Variants in EEPD1 observed in about 807,000 individuals in gnomAD.
The protein encoded by EEPD1 is endonuclease/exonuclease/phosphatase family domain-containing protein 1.
Under a neutral mutation model 46.3 loss-of-function variants are expected in EEPD1, and 17 were observed. The ratio of observed to expected loss-of-function variants is 0.37; its 90% CI spans 0.25 to 0.55. The LOEUF (loss-of-function observed/expected upper bound fraction) is 0.55, where lower values mean the gene tolerates loss of function less well. EEPD1 is among the 20% of genes least tolerant of loss of function. EEPD1 has a pLI of 0.83. For missense variants in EEPD1, 673 were observed against 745.6 expected (o/e 0.90, Z 1.13); for synonymous variants, 313 against 315.6 (o/e 0.99, Z 0.09).
intron 5 of EEPD1, among the ~76,000 whole-genome samples, chr7:36,287,423 G>T (rs1311086423): frequency 1.3e-5 from 2 of 152,094 alleles, no homozygotes; most frequent in South Asian, 4.1e-4. Flanking sequence ...GATGTTAGGG[G>T]TGGACTGGTA....
At chr7:36,160,683 C>G (rs58049112) in intron 2 of EEPD1, among the ~76,000 whole-genome samples, 74,204 of 124,140 alleles carry the variant, frequency 0.6, 23,018 homozygotes, top group Middle Eastern at 0.71. Context: ...TGGTGGGGGG[C>G]GGGGCGTGCA....
At chr7:36,220,641 T>G (rs1175399323) in intron 2 of EEPD1, among the ~76,000 whole-genome samples, 1 of 152,192 alleles carries the variant, frequency 6.6e-6, no homozygotes, top group Non-Finnish European at 1.5e-5. Context: ...GCAGAGCTAA[T>G]GGCATCGACT....
chr7:36,288,966 A>T (rs185469425), intron 6 of EEPD1, among the ~76,000 whole-genome samples: 1 of 152,200 alleles, frequency 6.6e-6, no homozygotes, highest in Non-Finnish European at 1.5e-5. Context: ...ATTCTCTTCT[A>T]TCTTTTGAGT....
intron 3 of EEPD1, among the ~76,000 whole-genome samples, chr7:36,243,515 A>G (rs913663087): frequency 2.0e-5 from 3 of 152,260 alleles, no homozygotes; most frequent in Middle Eastern, 3.4e-3. Flanking sequence ...CTGAGCTTCA[A>G]ATGACAACCG....
chr7:36,264,283 A>G (rs1460176497), intron 3 of EEPD1, among the ~76,000 whole-genome samples: 1 of 152,214 alleles, frequency 6.6e-6, no homozygotes, highest in Non-Finnish European at 1.5e-5. Flanking sequence ...TTCAGGGGGA[A>G]GCCCGCAGTG....
chr7:36,259,215 A>T (rs1786875180), intron 3 of EEPD1, among the ~76,000 whole-genome samples: 1 of 152,176 alleles, frequency 6.6e-6, no homozygotes. Context: ...CAGGTACCTC[A>T]GTTGGAAATG....
chr7:36,193,335 G>T lies in EEPD1; in HGVS notation c.878+38133G>T, dbSNP rs1181456795. 1.3e-5 allele frequency among the ~76,000 whole-genome samples: 2 copies of T among 152,170 alleles called. No individual in the cohort carries two copies. The highest frequency in any genetic ancestry group is 2.9e-5 in the Non-Finnish European group (2 of 68,032). Reference sequence around the variant, plus strand: ...GAGAGTGTGCAGAAGCCTGGAGCCTGGAGAGGGGAGGAATGAAGGCGGGAT... The same window carrying T: ...GAGAGTGTGCAGAAGCCTGGAGCCTTGAGAGGGGAGGAATGAAGGCGGGAT... On this transcript the variant is annotated intron_variant, in intron 2 of 7. Transcript: ENST00000242108. This position sits in a 1 kb window ranked among gnomAD's most constrained non-coding sequence, Gnocchi z 4.9.
chr7:36,249,693 G>T (rs1786703291), intron 3 of EEPD1, among the ~76,000 whole-genome samples: 2 of 152,132 alleles, frequency 1.3e-5, no homozygotes, highest in African/African-American at 4.8e-5. Context: ...TTTATTCTTT[G>T]AACCAGTGTG....
chr7:36,179,001 C>T (rs779036276), intron 2 of EEPD1, among the ~76,000 whole-genome samples: 2 of 152,118 alleles, frequency 1.3e-5, no homozygotes, highest in Non-Finnish European at 1.5e-5. Context: ...TGGCATTTGG[C>T]GGGATGGTAC....
intron 2 of EEPD1, among the ~76,000 whole-genome samples, chr7:36,174,581 T>C (rs758901525): frequency 3.4e-4 from 51 of 152,208 alleles, no homozygotes; most frequent in Non-Finnish European, 1.5e-5. Context: ...GAGGGGTTGA[T>C]GTTTGCTGCT....
Position 36,155,155 on chromosome 7 carries a change from C to T in EEPD1, c.831C>T (p.Asn277=). ...NLQGCSVEKA[N]NPGVREVVCM... is the part of the protein sequence containing the mutation. ...AGGGCTGTTCCGTGGAGAAGGCCAA[C>T]AACCCCGGGGTGCGAGAGGTGGTGT... The change falls in exon 2 of 8, where the codon AAC becomes AAT. Residue 277 remains asparagine (N), a synonymous_variant. Transcript: ENST00000242108. 1 of 1,525,068 alleles carries T rather than the reference C, an allele frequency of 6.6e-7. No individual in the cohort carries two copies. The highest frequency in any genetic ancestry group is 8.8e-7 in the Non-Finnish European group (1 of 1,137,838). The allele number at this position is 1,525,068 out of a possible 1,614,324, so 94.5% of individuals were successfully genotyped here. A position where few individuals can be genotyped will look rare whatever the true frequency, so the allele number is the denominator to read the frequency against.
At chr7:36,290,506 A>G (rs1167032887) in intron 6 of EEPD1, among the ~76,000 whole-genome samples, 1 of 152,212 alleles carries the variant, frequency 6.6e-6, no homozygotes, top group Non-Finnish European at 1.5e-5. Flanking sequence ...AAGCAAAGAC[A>G]AAGCCTTCAT....
At chr7:36,236,908 C>A (rs1398839250) in intron 2 of EEPD1, among the ~76,000 whole-genome samples, 3 of 152,142 alleles carry the variant, frequency 2.0e-5, no homozygotes, top group Non-Finnish European at 4.4e-5. Flanking sequence ...AAAAGCAGGC[C>A]CCCTAGCCAG....
intron 3 of EEPD1, among the ~76,000 whole-genome samples, chr7:36,244,759 C>CA (rs1287642288): frequency 7.0e-6 from 1 of 143,106 alleles, no homozygotes; most frequent in Non-Finnish European, 1.5e-5. Context: ...CTTCATTTTT[C>CA]AGAGTTGATT....
intron 2 of EEPD1, among the ~76,000 whole-genome samples, chr7:36,213,260 C>A (rs1284613820): frequency 6.6e-6 from 1 of 152,196 alleles, no homozygotes; most frequent in Admixed American, 6.5e-5. Flanking sequence ...ATGGAATTAA[C>A]TGGCACTGGT....
intron 4 of EEPD1, 66 bp downstream of exon 4, chr7:36,281,291 A>C: frequency 7.1e-7 from 1 of 1,418,032 alleles, no homozygotes; most frequent in Non-Finnish European, 9.7e-7. Context: ...CCCCTAATCA[A>C]GGGCATTTAA....
chr7:36,230,497 C>T (rs1786304672), intron 2 of EEPD1, among the ~76,000 whole-genome samples: 4 of 152,140 alleles, frequency 2.6e-5, no homozygotes, highest in Admixed American at 2.6e-4. Flanking sequence ...CCATGGTCAG[C>T]ATGCAGTCCC....
chr7:36,292,302 C>T (rs1014893383), intron 6 of EEPD1, among the ~76,000 whole-genome samples: 1 of 152,192 alleles, frequency 6.6e-6, no homozygotes, highest in African/African-American at 2.4e-5. Context: ...CAGAGTCATC[C>T]AGCTGTTTTC....
chr7:36,292,429 T>TTC (rs760252419), intron 6 of EEPD1, among the ~76,000 whole-genome samples: 2 of 151,638 alleles, frequency 1.3e-5, no homozygotes, highest in Non-Finnish European at 2.9e-5. Flanking sequence ...CTCTTTTTCT[T>TTC]TCTCTCTCTC....
Sources: gnomAD v4.1 joint callset for allele counts (sites outside exome capture counted in the v4.1 genomes callset) on GRCh38, gnomAD v4.1.1 for gene constraint, Gnocchi (gnomAD v3.1) non-coding constraint, MANE v1.5 for transcripts, NCBI Gene and HGNC (gene_info 2026-07-23, HGNC 2026-07-21) for gene names.